ACVR2A: variants seen among roughly 807,000 people sequenced by gnomAD.
ACVR2A encodes the protein activin receptor type-2A.
A neutral mutation model predicts 61.4 loss-of-function variants in ACVR2A; 7 were observed. That is an observed-to-expected ratio of 0.11 (90% CI 0.06 to 0.21). ACVR2A has a LOEUF of 0.21. Among genes scored for constraint, ACVR2A ranks in the 10% least tolerant of loss-of-function variants. The probability of loss-of-function intolerance (pLI) is 1.00; values close to 1 mark genes in which losing one functional copy is unlikely to be tolerated. For missense variants in ACVR2A, 322 were observed against 621.7 expected, an observed-to-expected ratio of 0.52 and a Z score of 5.13; for synonymous variants, 193 against 208.3, an observed-to-expected ratio of 0.93 and a Z score of 0.63.
intron 1 of ACVR2A, among the ~76,000 whole-genome samples, chr2:147,889,940 C>T (rs911591431): frequency 6.6e-6 from 1 of 150,898 alleles, no homozygotes; most frequent in African/African-American, 2.4e-5. Context: ...ATTAGACTTA[C>T]TGATTTACTG....
rs537064998 is a variant in ACVR2A at position 147,883,023 on chromosome 2, G to A, written c.56-13278G>A. ...TGTCTATCAAAAGTCTTTTGGGACA[G>A]TGTGGACTTTATGATAACTTTTGAA... is the stretch of plus-strand genomic sequence containing the variant. On this transcript the variant is annotated intron_variant, in intron 1 of 10. Transcript: ENST00000241416. Among the ~76,000 whole-genome samples, 4 of 152,308 alleles carry A rather than the reference G, an allele frequency of 2.6e-5. No homozygotes were observed. The East Asian group carries it at 7.7e-4, about 29-fold the overall frequency.
intron 1 of ACVR2A, among the ~76,000 whole-genome samples, chr2:147,866,180 A>G (rs908413494): frequency 6.6e-6 from 1 of 152,180 alleles, no homozygotes; most frequent in African/African-American, 2.4e-5. Flanking sequence ...AACGAAATAC[A>G]TGACTACTCA....
At chr2:147,890,188 C>T (rs1686546732) in intron 1 of ACVR2A, among the ~76,000 whole-genome samples, 1 of 152,108 alleles carries the variant, frequency 6.6e-6, no homozygotes, top group Non-Finnish European at 1.5e-5. Flanking sequence ...AAACCCCACA[C>T]ATGTGCATAT....
At chr2:147,858,024 C>T (rs1393503051) in intron 1 of ACVR2A, among the ~76,000 whole-genome samples, 1 of 152,032 alleles carries the variant, frequency 6.6e-6, no homozygotes, top group African/African-American at 2.4e-5. Context: ...CCATGTCTTC[C>T]CATCATTTAG....
intron 1 of ACVR2A, among the ~76,000 whole-genome samples, chr2:147,876,537 A>G (rs56904703): frequency 6.6e-6 from 1 of 152,192 alleles, no homozygotes; most frequent in African/African-American, 2.4e-5. Flanking sequence ...AAAGGCTAAG[A>G]TCTTGGACTG....
intron 6 of ACVR2A, 133 bp downstream of exon 6, chr2:147,917,559 AT>A: frequency 2.9e-6 from 3 of 1,052,436 alleles, no homozygotes; most frequent in Non-Finnish European, 4.0e-6. Flanking sequence ...AATAAAAATC[AT>A]TCTTGAATAA....
chr2:147,923,267 G>A (rs1019644462), intron 9 of ACVR2A, among the ~76,000 whole-genome samples, 156 bp downstream of exon 9: 2 of 151,976 alleles, frequency 1.3e-5, no homozygotes. Flanking sequence ...AGCAGTGGGT[G>A]GGGTAGGAGA....
intron 1 of ACVR2A, among the ~76,000 whole-genome samples, chr2:147,890,709 A>G (rs559885743): frequency 7.2e-4 from 110 of 152,284 alleles, no homozygotes; most frequent in African/African-American, 2.4e-3. Context: ...TGTCGTTAAA[A>G]CTTAATATAC....
intron 4 of ACVR2A, among the ~76,000 whole-genome samples, chr2:147,909,109 A>G (rs934468057): frequency 1.3e-5 from 2 of 152,176 alleles, no homozygotes; most frequent in Non-Finnish European, 2.9e-5. Context: ...TGCATAAGCC[A>G]GGAAACTAGG....
At chr2:147,904,056 A>T (rs1686932000) in intron 4 of ACVR2A, among the ~76,000 whole-genome samples, 1 of 151,976 alleles carries the variant, frequency 6.6e-6, no homozygotes, top group Non-Finnish European at 1.5e-5. Flanking sequence ...AATAAGTTGA[A>T]GTATTTCAGG....
rs754773948 is a variant in ACVR2A, at chr2:147,896,285, T to A, written c.56-16T>A. ...ACAGATAATGTGGTTATATTATTGTTTTTATTATCTTATAGGTGCTATACT... is the reference window on the plus strand; with the variant it reads ...ACAGATAATGTGGTTATATTATTGTATTTATTATCTTATAGGTGCTATACT... On this transcript the variant is annotated splice_polypyrimidine_tract_variant and intron_variant, in intron 1 of 10. Transcript: ENST00000241416. The A allele has an allele frequency of 1.3e-5, 20 of 1,594,678 alleles. No homozygotes were observed. In the South Asian group the frequency reaches 1.3e-4, roughly 11 times the overall value.
intron 1 of ACVR2A, among the ~76,000 whole-genome samples, chr2:147,855,352 G>A (rs1685545688): frequency 6.6e-6 from 1 of 152,226 alleles, no homozygotes; most frequent in African/African-American, 2.4e-5. Context: ...GGACTGGAGA[G>A]ATAGGGACAG....
chr2:147,871,811 G>A (rs1686026131), intron 1 of ACVR2A, among the ~76,000 whole-genome samples: 1 of 151,996 alleles, frequency 6.6e-6, no homozygotes, highest in Non-Finnish European at 1.5e-5. Flanking sequence ...TGCTTAAATT[G>A]CCATCTTCTT....
chr2:147,872,958 G>GTT (rs762895425), intron 1 of ACVR2A, among the ~76,000 whole-genome samples: 2 of 152,050 alleles, frequency 1.3e-5, no homozygotes, highest in South Asian at 4.1e-4. Flanking sequence ...GTGTTCATTT[G>GTT]TTTGACAGCT....
chr2:147,873,275 A>T (rs1315638793), intron 1 of ACVR2A, among the ~76,000 whole-genome samples: 1 of 151,948 alleles, frequency 6.6e-6, no homozygotes, highest in Non-Finnish European at 1.5e-5. Flanking sequence ...GAAATTTCAG[A>T]TTTTCTAGTA....
At position 147,859,469 on chromosome 2, in the gene ACVR2A, G is replaced by A. The variant is rs896293257; in HGVS notation, c.55+14262G>A. Reference sequence around the variant, plus strand: ...AGCCCATTTGAGGCTTATAAAATCAGTGTAGAGGGTCACCACAGACAAAAA... The same window carrying A: ...AGCCCATTTGAGGCTTATAAAATCAATGTAGAGGGTCACCACAGACAAAAA... On this transcript the variant is annotated intron_variant, in intron 1 of 10. Coordinates refer to ENST00000241416, the MANE Select transcript of ACVR2A (RefSeq NM_001616.5). Among the ~76,000 whole-genome samples, 6 of 150,944 alleles carry A rather than the reference G, an allele frequency of 4.0e-5. No individual in the cohort carries two copies. The South Asian group carries it at 8.4e-4, about 21-fold the overall frequency.
intron 1 of ACVR2A, among the ~76,000 whole-genome samples, chr2:147,890,338 T>G (rs1429099934): frequency 4.5e-5 from 3 of 66,946 alleles, no homozygotes; most frequent in Admixed American, 3.7e-4. Flanking sequence ...GCACCATTAG[T>G]ATAGTGTGTG....
At chr2:147,917,118 A>AC (rs1687263674) in intron 5 of ACVR2A, among the ~76,000 whole-genome samples, 165 bp from the exon 6 acceptor site, 1 of 151,962 alleles carries the variant, frequency 6.6e-6, no homozygotes, top group South Asian at 2.1e-4. Context: ...AAATTTGTTA[A>AC]CCTATTGTCA....
chr2:147,885,880 A>C (rs1201977371), intron 1 of ACVR2A, among the ~76,000 whole-genome samples: 2 of 152,200 alleles, frequency 1.3e-5, no homozygotes, highest in Non-Finnish European at 2.9e-5. Flanking sequence ...GTATATTTCA[A>C]ATTGGTAAAA....
Sources: allele counts gnomAD v4.1 joint callset (sites outside exome capture counted in the v4.1 genomes callset), GRCh38; gene constraint gnomAD v4.1.1; transcripts MANE v1.5; gene names NCBI Gene and HGNC (gene_info 2026-07-23, HGNC 2026-07-21).